DPF3: variants seen among roughly 807,000 people sequenced by gnomAD.
DPF3 encodes double PHD fingers 3.
DPF3 carries 18 observed loss-of-function variants against 56.8 expected under a neutral mutation model. The ratio of observed to expected loss-of-function variants is 0.32; its 90% CI spans 0.22 to 0.47. DPF3 has a LOEUF of 0.47. DPF3 is among the 20% of genes least tolerant of loss of function. The probability of loss-of-function intolerance (pLI) is 1.00; values close to 1 mark genes in which losing one functional copy is unlikely to be tolerated. For synonymous variants in DPF3, 188 were observed against 180.2 expected (o/e 1.04, Z -0.35); for missense variants, 403 against 488.8 (o/e 0.82, Z 1.65).
chr14:72,731,911 C>T lies in DPF3; in HGVS notation c.325G>A (p.Asp109Asn), dbSNP rs1889670341. 2 of 1,595,060 alleles carry T rather than the reference C, an allele frequency of 1.3e-6. No individual in the cohort carries two copies. The highest frequency in any genetic ancestry group is 1.8e-5 in the Admixed American group (1 of 56,902). ...GTGGTGCTCTCTGAGGTGAACCCAT[C>T]CTTCTTCAGGGGAAGCTCCACTTCT... ...KPEVELPLKK[D>N]GFTSESTTLE... The change falls in exon 4 of 11, where the codon GAT (aspartate) becomes AAT (asparagine). Residue 109 changes from aspartate to asparagine, a missense_variant. Around this residue, in one of 2 missense-constraint regions of DPF3, gnomAD observed 340 missense variants for 374.3 expected, o/e 0.91. Transcript: ENST00000556509.
intron 1 of DPF3, among the ~76,000 whole-genome samples, chr14:72,878,526 G>A (rs1886202403): frequency 6.6e-6 from 1 of 152,078 alleles, no homozygotes; most frequent in Non-Finnish European, 1.5e-5. Context: ...CCCAGCCTTG[G>A]GTTTAAACCA....
intron 1 of DPF3, among the ~76,000 whole-genome samples, chr14:72,851,184 G>A (rs765996687): frequency 1.2e-4 from 19 of 152,138 alleles, no homozygotes; most frequent in Non-Finnish European, 2.5e-4. Context: ...CCCTTTGAAC[G>A]TCCCATTGGT....
At chr14:72,773,620 C>T (rs73302147) in intron 1 of DPF3, among the ~76,000 whole-genome samples, 3,023 of 152,250 alleles carry the variant, frequency 0.02, 84 homozygotes, top group African/African-American at 0.069. Flanking sequence ...AATAACTCCC[C>T]GTTCCGCCTC....
At chr14:72,878,107 A>T (rs1183046657) in intron 1 of DPF3, among the ~76,000 whole-genome samples, 1 of 152,180 alleles carries the variant, frequency 6.6e-6, no homozygotes, top group African/African-American at 2.4e-5. Flanking sequence ...ATGTTGAAGG[A>T]TGTCTTTCAG....
intron 8 of DPF3, among the ~76,000 whole-genome samples, chr14:72,641,075 G>C (rs1251870619): frequency 2.6e-5 from 4 of 152,176 alleles, no homozygotes; most frequent in Admixed American, 1.3e-4. Flanking sequence ...GGAAGAGGAA[G>C]GGTGGCACCA....
intron 1 of DPF3, among the ~76,000 whole-genome samples, chr14:72,860,265 G>A (rs1885344197): frequency 6.6e-6 from 1 of 152,088 alleles, no homozygotes; most frequent in African/African-American, 2.4e-5. Flanking sequence ...TCACTACAAT[G>A]TCCACCTCCC....
At chr14:72,674,066 G>C in intron 8 of DPF3, 174 bp downstream of exon 8, 1 of 1,052,270 alleles carries the variant, frequency 9.5e-7, no homozygotes, top group Non-Finnish European at 1.3e-6. Flanking sequence ...ATAACTTTTG[G>C]TTCTTGAGAC....
chr14:72,621,592 G>A (rs559515414), intron 9 of DPF3, among the ~76,000 whole-genome samples: 8 of 152,254 alleles, frequency 5.3e-5, no homozygotes, highest in East Asian at 1.9e-4. Flanking sequence ...GGAGTGATAC[G>A]ATCAGATTGC....
At chr14:72,825,646 G>C (rs532525584) in intron 1 of DPF3, among the ~76,000 whole-genome samples, 13 of 152,294 alleles carry the variant, frequency 8.5e-5, no homozygotes, top group African/African-American at 2.9e-4. Context: ...GGCCCCTGGG[G>C]AAGACAGATT....
At chr14:72,690,084 AG>A (rs1315464276) in intron 7 of DPF3, among the ~76,000 whole-genome samples, 1 of 152,132 alleles carries the variant, frequency 6.6e-6, no homozygotes, top group Non-Finnish European at 1.5e-5. Flanking sequence ...AAAGAGAAAA[AG>A]GGGAGGGGGA....
chr14:72,827,076 C>A lies in DPF3; in HGVS notation c.33-55183G>T, dbSNP rs549631125. Among the ~76,000 whole-genome samples, 42 of 150,446 alleles carry A rather than the reference C, an allele frequency of 2.8e-4. No individual in the cohort carries two copies. The South Asian group carries it at 8.2e-3, about 29-fold the overall frequency. ...AAAAAAAAGACACATTCACAGATATCAATCGTAAAAGTTAGTACAATAGCC... is the reference window on the plus strand; with the variant it reads ...AAAAAAAAGACACATTCACAGATATAAATCGTAAAAGTTAGTACAATAGCC... On this transcript the variant is annotated intron_variant, in intron 1 of 10. Coordinates refer to ENST00000556509, the MANE Select transcript of DPF3 (RefSeq NM_001280542.3).
In DPF3 at chr14:72,871,030, A is replaced by T. The variant is rs138352093; in HGVS notation, c.32+23027T>A. Among the ~76,000 whole-genome samples the T allele has an allele frequency of 5.6e-3, 850 of 152,156 alleles. 5 individuals are homozygous for T. Among genetic ancestry groups the T allele is most frequent in the African/African-American group, 0.018 (730 of 41,462 alleles). On this transcript the variant is annotated intron_variant, in intron 1 of 10. Coordinates refer to ENST00000556509, the MANE Select transcript of DPF3 (RefSeq NM_001280542.3). ...GCAGGAGGTGAAAGGCACTTCTTAC[A>T]TGGTGGCAGCAAGAGAAAATGAGGA... is the stretch of plus-strand genomic sequence containing the variant.
chr14:72,633,951 C>T (rs1030572723), intron 8 of DPF3, among the ~76,000 whole-genome samples: 1 of 152,162 alleles, frequency 6.6e-6, no homozygotes, highest in African/African-American at 2.4e-5. Context: ...TTGGAAATGC[C>T]TGTTGGAAGT....
At chr14:72,662,999 T>C (rs138109536) in intron 8 of DPF3, among the ~76,000 whole-genome samples, 1 of 151,178 alleles carries the variant, frequency 6.6e-6, no homozygotes, top group Non-Finnish European at 1.5e-5. Context: ...TTAATGAGGC[T>C]AGGCCAGGTG....
intron 5 of DPF3, among the ~76,000 whole-genome samples, chr14:72,717,684 T>C (rs185845937): frequency 7.1e-4 from 108 of 152,290 alleles, no homozygotes; most frequent in Non-Finnish European, 1.1e-3. Flanking sequence ...AATAACCCTA[T>C]GAGTTAGACC....
intron 8 of DPF3, among the ~76,000 whole-genome samples, chr14:72,658,299 T>A (rs1886112261): frequency 6.6e-6 from 1 of 152,142 alleles, no homozygotes; most frequent in African/African-American, 2.4e-5. Flanking sequence ...CCACAAAAAA[T>A]TTAAAAAATT....
At chr14:72,741,651 T>A (rs757978401) in intron 3 of DPF3, among the ~76,000 whole-genome samples, 2 of 152,196 alleles carry the variant, frequency 1.3e-5, no homozygotes, top group Non-Finnish European at 2.9e-5. Context: ...ACACCAGACA[T>A]GTCTCTTTCC....
chr14:72,668,899 C>T (rs929149941), intron 8 of DPF3, among the ~76,000 whole-genome samples: 2 of 152,214 alleles, frequency 1.3e-5, no homozygotes, highest in Admixed American at 6.5e-5. Context: ...AGCAAGTGTA[C>T]ATTGTATCCC....
intron 1 of DPF3, among the ~76,000 whole-genome samples, chr14:72,851,752 ATG>A (rs1488704823): frequency 1.3e-4 from 20 of 152,238 alleles, no homozygotes; most frequent in African/African-American, 3.6e-4. Context: ...AATGTACAAA[ATG>A]TCCACTCGAG....
Sources: gnomAD v4.1 joint callset for allele counts (sites outside exome capture counted in the v4.1 genomes callset) on GRCh38, gnomAD v4.1.1 for gene constraint, gnomAD v4.1.1 regional missense constraint, MANE v1.5 for transcripts, NCBI Gene and HGNC (gene_info 2026-07-23, HGNC 2026-07-21) for gene names.